TGIF1: variants seen among roughly 807,000 people sequenced by gnomAD.
TGIF1 encodes the protein homeobox protein TGIF1.
In TGIF1, 4 loss-of-function variants were observed where a neutral mutation model predicts 19.3. That is an observed-to-expected ratio of 0.21 (90% CI 0.10 to 0.47). The LOEUF is 0.47. TGIF1 is among the 20% of genes least tolerant of loss of function. The pLI is 0.98. For missense variants in TGIF1, 275 were observed against 341.4 expected, an observed-to-expected ratio of 0.81 and a Z score of 1.53; for synonymous variants, 122 against 129.3, an observed-to-expected ratio of 0.94 and a Z score of 0.38.
chr18:3,451,352 C>CG lies in TGIF1; in HGVS notation c.16+853dup, dbSNP rs767079396. 1.1e-4 allele frequency: 104 copies of CG among 984,944 alleles called. 1 individual carries two copies. In the Admixed American group the frequency reaches 2.5e-3, roughly 23 times the overall value. 61.0% of individuals were successfully genotyped at this position (984,944 alleles called of 1,614,324 possible). On this transcript the variant is annotated intron_variant, in intron 1 of 2. Transcript: ENST00000343820. This position sits in a 1 kb window ranked among gnomAD's most constrained non-coding sequence, Gnocchi z 5.4. ...AAAAACAAAATACACCGGAGGGGGA[C>CG]GGGGGGTGGAGAAACCACACAAAAC...
At chr18:3,416,443 G>A (rs1292123002) in intron 1 of TGIF1, among the ~76,000 whole-genome samples, 1 of 151,974 alleles carries the variant, frequency 6.6e-6, no homozygotes, top group Non-Finnish European at 1.5e-5. Flanking sequence ...TTGAACCCAG[G>A]AGGCAGAGGT....
chr18:3,450,170 TCA>T (rs894928154), exon 1 of TGIF1: 33 of 1,299,332 alleles, frequency 2.5e-5, no homozygotes, highest in African/African-American at 4.7e-4. Flanking sequence ...CTCGCCTCTC[TCA>T]CTCTGACAGC....
intron 2 of TGIF1, among the ~76,000 whole-genome samples, chr18:3,437,091 C>G (rs1327766340): frequency 6.6e-6 from 1 of 152,008 alleles, no homozygotes; most frequent in Non-Finnish European, 1.5e-5. Context: ...GGTGACAGCG[C>G]AGGACTCCAT....
At chr18:3,429,149 T>C (rs998525954) in intron 2 of TGIF1, among the ~76,000 whole-genome samples, 1 of 152,184 alleles carries the variant, frequency 6.6e-6, no homozygotes, top group African/African-American at 2.4e-5. Context: ...CTCAAACTTC[T>C]GGGCTCAATC....
chr18:3,438,596 AACACACACACACAC>A (rs56864804), intron 2 of TGIF1, among the ~76,000 whole-genome samples: 2 of 136,000 alleles, frequency 1.5e-5, no homozygotes, highest in African/African-American at 5.4e-5. Context: ...CATACACACA[AACACACACACACAC>A]ACACACACAC....
chr18:3,459,941 T>C lies in TGIF1; in HGVS notation c.*2001T>C, dbSNP rs2049467331. 1 of 152,216 alleles carries C rather than the reference T, an allele frequency of 6.6e-6. No homozygotes were observed. The highest frequency in any genetic ancestry group is 2.1e-4 in the South Asian group (1 of 4,836). The allele number at this position is 152,216 out of a possible 1,614,324, so 9.4% of individuals were successfully genotyped here. On this transcript the variant is annotated 3_prime_UTR_variant, in exon 3 of 3. Transcript: ENST00000343820. ...AGAAATGATTTTTATGCTTATAATT[T>C]ACATGGTGCAATATATCTTTTTAAT...
upstream of TGIF1, chr18:3,450,147 T>TG: frequency 8.2e-7 from 1 of 1,215,708 alleles, no homozygotes; most frequent in African/African-American, 1.6e-5. Context: ...CAGGACCTCC[T>TG]GTACCTTCCC....
intron 2 of TGIF1, among the ~76,000 whole-genome samples, chr18:3,445,161 T>G (rs2082723743): frequency 6.6e-6 from 1 of 152,074 alleles, no homozygotes; most frequent in Non-Finnish European, 1.5e-5. Context: ...CTACCTAATT[T>G]AGGTCAGGTG....
At chr18:3,415,821 A>G (rs2082325122) in intron 1 of TGIF1, among the ~76,000 whole-genome samples, 1 of 152,178 alleles carries the variant, frequency 6.6e-6, no homozygotes, top group Non-Finnish European at 1.5e-5. Context: ...CAAGGATACA[A>G]CACCCGGTAG....
chr18:3,457,351 C>A lies in TGIF1; in HGVS notation c.244-14C>A, dbSNP rs886064153. 1.2e-6 allele frequency: 2 copies of A among 1,613,820 alleles called. No homozygotes were observed. Among genetic ancestry groups the A allele is most frequent in the Non-Finnish European group, 1.7e-6 (2 of 1,179,810 alleles). ...GAATGAGGAAAATGTTAAAGCGTAC[C>A]GATATGATTTCAGGTCTGTAACTGG... is the stretch of plus-strand genomic sequence containing the variant. On this transcript the variant is annotated splice_polypyrimidine_tract_variant and intron_variant, in intron 2 of 2. Transcript: ENST00000343820. This position sits in a 1 kb window ranked among gnomAD's most constrained non-coding sequence, Gnocchi z 4.9.
In TGIF1 at chr18:3,458,016, T is replaced by C; in HGVS notation, c.*76T>C. On this transcript the variant is annotated 3_prime_UTR_variant, in exon 3 of 3. Coordinates refer to ENST00000343820, the MANE Select transcript of TGIF1 (RefSeq NM_003244.4). ...AGGCAAGAGATGAATTGCATTATTT[T>C]ATATATTTTTTATTAATATTTGCAC... 7.5e-7 allele frequency: 1 copy of C among 1,327,684 alleles called. No individual in the cohort carries two copies. The highest frequency in any genetic ancestry group is 2.0e-5 in the Admixed American group (1 of 50,410). 82.2% of individuals were successfully genotyped at this position (1,327,684 alleles called of 1,614,324 possible).
rs372726735 is a variant in TGIF1 at position 3,412,356 on chromosome 18, T to C, written c.-118+102T>C. ...AAACATTTACTCAACCAGGTAAAGA[T>C]TTTCATTATTTTCATTAGCACTAGT... On this transcript the variant is annotated intron_variant, in intron 1 of 3. Transcript: ENST00000401449. 3 of 149,774 alleles carry C rather than the reference T, an allele frequency of 2.0e-5. No homozygotes were observed. In the South Asian group the frequency reaches 6.2e-4, roughly 31 times the overall value. 9.3% of individuals were successfully genotyped at this position (149,774 alleles called of 1,614,324 possible).
At chr18:3,432,123 C>CA (rs751364681) in intron 2 of TGIF1, among the ~76,000 whole-genome samples, 2,352 of 97,886 alleles carry the variant, frequency 0.024, 68 homozygotes, top group African/African-American at 0.082. Context: ...ACAAAACTGT[C>CA]AAAAAAAAAA....
At chr18:3,419,070 A>T (rs963918449) in intron 2 of TGIF1, among the ~76,000 whole-genome samples, 2 of 152,194 alleles carry the variant, frequency 1.3e-5, no homozygotes, top group Non-Finnish European at 2.9e-5. Flanking sequence ...AAAAAAATTT[A>T]AAAATAAATA....
chr18:3,448,256 T>C (rs1050560036), upstream of TGIF1: 267 of 985,264 alleles, frequency 2.7e-4, no homozygotes, highest in African/African-American at 3.9e-3. Context: ...AGCCCCCGGC[T>C]CCTCCTCCCT....
intron 2 of TGIF1, among the ~76,000 whole-genome samples, chr18:3,433,552 G>A (rs2082578093): frequency 6.6e-6 from 1 of 152,198 alleles, no homozygotes; most frequent in Admixed American, 6.5e-5. Context: ...ACCTAGAATA[G>A]TCAAATTCAT....
At chr18:3,414,818 G>A (rs1008254760) in intron 1 of TGIF1, among the ~76,000 whole-genome samples, 5 of 152,162 alleles carry the variant, frequency 3.3e-5, no homozygotes, top group African/African-American at 9.7e-5. Flanking sequence ...GCTGAGATCA[G>A]AGGATCACTT....
At position 3,457,283 on chromosome 18, in the gene TGIF1, A is replaced by G; in HGVS notation, c.244-82A>G. 2.2e-6 allele frequency: 3 copies of G among 1,384,598 alleles called. No individual in the cohort carries two copies. Among genetic ancestry groups the G allele is most frequent in the East Asian group, 2.3e-5 (1 of 42,598 alleles). 85.8% of individuals were successfully genotyped at this position (1,384,598 alleles called of 1,614,324 possible). On this transcript the variant is annotated intron_variant, in intron 2 of 2. Transcript: ENST00000343820. This position sits in a 1 kb window ranked among gnomAD's most constrained non-coding sequence, Gnocchi z 4.9. ...TTCTTTAATTCAGAGAGCAAGATCAATTAGGTACCCCATAGAACATTCTCA... is the reference window on the plus strand; with the variant it reads ...TTCTTTAATTCAGAGAGCAAGATCAGTTAGGTACCCCATAGAACATTCTCA...
At chr18:3,439,845 A>G (rs1369818857) in intron 2 of TGIF1, among the ~76,000 whole-genome samples, 1 of 151,646 alleles carries the variant, frequency 6.6e-6, no homozygotes, top group African/African-American at 2.4e-5. Context: ...ACGTAGTGAA[A>G]CCCGGTCTCT....
Sources: allele counts gnomAD v4.1 joint callset (sites outside exome capture counted in the v4.1 genomes callset), GRCh38; gene constraint gnomAD v4.1.1; non-coding constraint Gnocchi (gnomAD v3.1); transcripts MANE v1.5; gene names NCBI Gene and HGNC (gene_info 2026-07-23, HGNC 2026-07-21).